NBEA: variants seen among roughly 807,000 people sequenced by gnomAD.
NBEA encodes lysosomal-trafficking regulator 2.
In NBEA, 44 loss-of-function variants were observed where a neutral mutation model predicts 343.4. That is an observed-to-expected ratio of 0.13 (90% CI 0.10 to 0.16). NBEA has a LOEUF of 0.16. NBEA is among the 10% of genes least tolerant of loss of function. NBEA has a pLI of 1.00. For missense variants in NBEA, 2,555 were observed against 3,631.3 expected, an observed-to-expected ratio of 0.70 and a Z score of 7.62; for synonymous variants, 1,175 against 1,238.7, an observed-to-expected ratio of 0.95 and a Z score of 1.08.
chr13:35,350,645 T>C (rs1424065721), intron 37 of NBEA, among the ~76,000 whole-genome samples: 4 of 151,942 alleles, frequency 2.6e-5, no homozygotes, highest in Non-Finnish European at 2.9e-5. Context: ...ATTTTGATTA[T>C]ATTGCCAGTG....
At chr13:35,254,156 A>AAT (rs1043023199) in intron 34 of NBEA, among the ~76,000 whole-genome samples, 13 of 151,958 alleles carry the variant, frequency 8.6e-5, no homozygotes, top group African/African-American at 3.1e-4. Flanking sequence ...CTATTATAAT[A>AAT]ATATATATAA....
rs1043512001 is a variant in NBEA, at chr13:35,476,117, G to A, written c.6585+3581G>A. ...TAGTATTTATTCAGATGGTAGACCA[G>A]CTTGGCCTGGGCCGCAATCATGTTG... On this transcript the variant is annotated intron_variant, in intron 41 of 58. Coordinates refer to ENST00000379939, the MANE Select transcript of NBEA (RefSeq NM_001385012.1). The A allele has an allele frequency of 7.4e-6, 12 of 1,614,054 alleles. No homozygotes were observed. The African/African-American group carries it at 1.2e-4, about 16-fold the overall frequency.
intron 45 of NBEA, among the ~76,000 whole-genome samples, chr13:35,570,103 G>A (rs1015658857): frequency 2.0e-5 from 3 of 152,106 alleles, no homozygotes; most frequent in Non-Finnish European, 2.9e-5. Context: ...GTGCAATCTC[G>A]GCTCACTGAA....
At position 35,459,018 on chromosome 13, in the gene NBEA, C is replaced by A. The variant is rs867239538; in HGVS notation, c.6448+6783C>A. ...TTCTTTACCACCGCCCCCCCCCCCCCACACACACACACACACACACTTACC... is the reference window on the plus strand; with the variant it reads ...TTCTTTACCACCGCCCCCCCCCCCCAACACACACACACACACACACTTACC... On this transcript the variant is annotated intron_variant, in intron 40 of 58. Coordinates refer to ENST00000379939, the MANE Select transcript of NBEA (RefSeq NM_001385012.1). Among the ~76,000 whole-genome samples, 194 of 90,176 alleles carry A rather than the reference C, an allele frequency of 2.2e-3. 3 individuals carry two copies. Among genetic ancestry groups the A allele is most frequent in the Middle Eastern group, 9.8e-3 (2 of 204 alleles). The allele number at this position is 90,176 out of a possible 152,430, so 59.2% of individuals were successfully genotyped here.
At chr13:35,513,319 T>C (rs2152987937) in intron 41 of NBEA, among the ~76,000 whole-genome samples, 1 of 144,798 alleles carries the variant, frequency 6.9e-6, no homozygotes, top group African/African-American at 2.5e-5. Flanking sequence ...TTTTTTTTTT[T>C]TTTTTTTTTT....
intron 34 of NBEA, among the ~76,000 whole-genome samples, chr13:35,234,213 G>A (rs1011654649): frequency 2.6e-5 from 4 of 152,104 alleles, no homozygotes; most frequent in African/African-American, 9.7e-5. Context: ...TGTCACCCTG[G>A]ATGCTACTAT....
intron 1 of NBEA, among the ~76,000 whole-genome samples, chr13:34,980,106 T>C (rs1297832773): frequency 6.6e-6 from 1 of 152,174 alleles, no homozygotes; most frequent in African/African-American, 2.4e-5. Flanking sequence ...TACTGTAGTT[T>C]TATGTAAATT....
At chr13:35,209,394 A>G (rs2073614947) in intron 32 of NBEA, among the ~76,000 whole-genome samples, 1 of 152,184 alleles carries the variant, frequency 6.6e-6, no homozygotes, top group Non-Finnish European at 1.5e-5. Flanking sequence ...ATTAATTCAT[A>G]TACATAGATT....
chr13:35,527,227 A>G (rs1357568047), intron 41 of NBEA, among the ~76,000 whole-genome samples: 1 of 152,136 alleles, frequency 6.6e-6, no homozygotes, highest in Non-Finnish European at 1.5e-5. Context: ...TGATTGGTCC[A>G]TGGGTGAACG....
intron 38 of NBEA, among the ~76,000 whole-genome samples, chr13:35,390,289 T>A (rs1169919771): frequency 6.6e-6 from 1 of 152,084 alleles, no homozygotes; most frequent in Non-Finnish European, 1.5e-5. Context: ...TATATTTGGA[T>A]TCTTTCTAAT....
At chr13:35,047,761 G>T (rs1362002338) in intron 4 of NBEA, among the ~76,000 whole-genome samples, 1 of 86,748 alleles carries the variant, frequency 1.2e-5, no homozygotes, top group Non-Finnish European at 2.5e-5. Flanking sequence ...GACATGGAAG[G>T]TCCGTGTTGT....
chr13:35,415,660 G>T (rs1207620057), intron 38 of NBEA, among the ~76,000 whole-genome samples: 4 of 152,132 alleles, frequency 2.6e-5, no homozygotes, highest in Non-Finnish European at 5.9e-5. Context: ...TTTGAAGTCA[G>T]GTAGTGTGAT....
At position 35,606,504 on chromosome 13, in the gene NBEA, G is replaced by A; in HGVS notation, c.7375G>A (p.Glu2459Lys). 1.2e-6 allele frequency: 2 copies of A among 1,606,736 alleles called. No individual in the cohort carries two copies. The highest frequency in any genetic ancestry group is 2.2e-5 in the South Asian group (2 of 89,894). The change falls in exon 48 of 59, where the codon GAA becomes AAA. Residue 2459 changes from glutamate (E) to lysine (K), a missense_variant. Glu to Lys is a moderately conservative substitution (Grantham distance 56). This residue lies in a region of NBEA where 156 missense variants were observed against 185.8 expected (regional missense o/e 0.84). Coordinates refer to ENST00000379939, the MANE Select transcript of NBEA (RefSeq NM_001385012.1). The part of the protein sequence containing the change: ...NGYNLGVRED[E>K]VVVNDVDLPP... ...ATATAATCTTGGAGTCAGAGAAGAT[G>A]AAGTAGTGGTAAATGATGTTGATCT...
At chr13:35,467,326 G>T (rs1391564007) in intron 40 of NBEA, among the ~76,000 whole-genome samples, 5 of 152,174 alleles carry the variant, frequency 3.3e-5, no homozygotes, top group African/African-American at 9.6e-5. Context: ...ACAAAAATTA[G>T]CTGGGCATGG....
intron 34 of NBEA, among the ~76,000 whole-genome samples, chr13:35,256,677 A>G (rs1332624205): frequency 2.6e-5 from 4 of 152,068 alleles, no homozygotes; most frequent in Admixed American, 2.0e-4. Flanking sequence ...TTGGCACCCA[A>G]TGTCTGGAGG....
intron 38 of NBEA, among the ~76,000 whole-genome samples, chr13:35,381,349 A>G (rs1185566962): frequency 1.3e-5 from 2 of 152,170 alleles, no homozygotes; most frequent in Non-Finnish European, 2.9e-5. Context: ...GGAAAGATAT[A>G]TAAGAATCAG....
At chr13:35,267,006 TA>T (rs2033738084) in intron 34 of NBEA, among the ~76,000 whole-genome samples, 1 of 151,944 alleles carries the variant, frequency 6.6e-6, no homozygotes, top group African/African-American at 2.4e-5. Flanking sequence ...GAAATGTTAT[TA>T]AGAAGATTAT....
At chr13:35,519,476 A>T (rs1164669742) in intron 41 of NBEA, among the ~76,000 whole-genome samples, 1 of 152,132 alleles carries the variant, frequency 6.6e-6, no homozygotes. Flanking sequence ...AGTGCTTTTG[A>T]TTATAAAGAT....
At chr13:35,378,118 C>A (rs920788379) in intron 38 of NBEA, among the ~76,000 whole-genome samples, 19 of 152,146 alleles carry the variant, frequency 1.2e-4, no homozygotes, top group African/African-American at 4.1e-4. Flanking sequence ...AACAGGAATA[C>A]TTACGTGTAT....
Sources: gnomAD v4.1 joint callset for allele counts (sites outside exome capture counted in the v4.1 genomes callset) on GRCh38, gnomAD v4.1.1 for gene constraint, gnomAD v4.1.1 regional missense constraint, MANE v1.5 for transcripts, NCBI Gene and HGNC (gene_info 2026-07-23, HGNC 2026-07-21) for gene names.